PRKAR1B: variants seen among roughly 807,000 people sequenced by gnomAD.
PRKAR1B encodes cAMP-dependent protein kinase type I-beta regulatory subunit.
PRKAR1B carries 22 observed loss-of-function variants against 46.5 expected under a neutral mutation model. That is an observed-to-expected ratio of 0.47 (90% confidence interval 0.34 to 0.68). The LOEUF is 0.68. Ranked by LOEUF, PRKAR1B falls within the 30% of genes least tolerant of loss-of-function variation. The pLI is 0.01. For synonymous variants in PRKAR1B, 259 were observed against 217.7 expected (o/e 1.19, Z -1.67); for missense variants, 445 against 535.6 (o/e 0.83, Z 1.67).
chr7:726,822 G>T (rs1214295481), intron 1 of PRKAR1B: 2 of 1,324,638 alleles, frequency 1.5e-6, no homozygotes, highest in Non-Finnish European at 1.9e-6. Flanking sequence ...TGAGCCGCCT[G>T]CTGCCGGGGC....
At chr7:583,426 G>C (rs868402062) in intron 8 of PRKAR1B, among the ~76,000 whole-genome samples, 14 of 52,418 alleles carry the variant, frequency 2.7e-4, no homozygotes, top group African/African-American at 9.9e-4. Flanking sequence ...ACGCACACAC[G>C]CACACACCCA....
intron 2 of PRKAR1B, among the ~76,000 whole-genome samples, chr7:683,392 G>A (rs971096351): frequency 1.3e-5 from 2 of 152,142 alleles, no homozygotes; most frequent in African/African-American, 4.8e-5. Context: ...TTTAAAGTCA[G>A]CCAGGTGCAC....
At chr7:565,167 C>T (rs1779052461) in intron 9 of PRKAR1B, 1 of 152,248 alleles carries the variant, frequency 6.6e-6, no homozygotes, top group African/African-American at 2.4e-5. Context: ...CCCTCATGGA[C>T]CACACGCACT....
chr7:725,100 G>C (rs2128536809), intron 1 of PRKAR1B, among the ~76,000 whole-genome samples: 2 of 152,110 alleles, frequency 1.3e-5, no homozygotes, highest in South Asian at 4.2e-4. Flanking sequence ...TGCAGTCCCA[G>C]CTACTTGGGA....
chr7:716,517 C>T (rs906778149), intron 1 of PRKAR1B: 1 of 152,244 alleles, frequency 6.6e-6, no homozygotes, highest in African/African-American at 2.4e-5. Context: ...AGGACTTCTC[C>T]TTGGTAGCTC....
Position 670,511 on chromosome 7 carries a change from G to A in PRKAR1B, c.440+6718C>T, listed in dbSNP as rs116277000. Among the ~76,000 whole-genome samples the A allele has an allele frequency of 6.5e-3, 958 of 147,332 alleles. 11 individuals carry two copies. Among genetic ancestry groups the A allele is most frequent in the African/African-American group, 0.023 (909 of 38,822 alleles). ...GCGTCCAGCAGAGGGGCTCAGGACC[G>A]AGGACGGCCTCTGAGCTCCCCGACG... On this transcript the variant is annotated intron_variant, in intron 4 of 10. Coordinates refer to ENST00000537384, the MANE Select transcript of PRKAR1B (RefSeq NM_001164760.2).
chr7:676,888 GA>G (rs1310878480), intron 4 of PRKAR1B, among the ~76,000 whole-genome samples: 10 of 151,788 alleles, frequency 6.6e-5, no homozygotes, highest in African/African-American at 2.4e-4. Context: ...CCACCTCCCG[GA>G]GGGCAAGGAG....
intron 7 of PRKAR1B, among the ~76,000 whole-genome samples, chr7:585,453 G>C (rs745665979): frequency 6.6e-6 from 1 of 152,186 alleles, no homozygotes; most frequent in Non-Finnish European, 1.5e-5. Flanking sequence ...CAGCAAGCTC[G>C]ACTTTGCTAA....
chr7:660,108 G>A (rs141456060), intron 4 of PRKAR1B, among the ~76,000 whole-genome samples: 265 of 151,984 alleles, frequency 1.7e-3, no homozygotes, highest in Non-Finnish European at 3.2e-3. Flanking sequence ...GTGGGGAAGC[G>A]ACTCCCCTCC....
intron 9 of PRKAR1B, among the ~76,000 whole-genome samples, chr7:557,073 C>A (rs375296876): frequency 2.0e-5 from 3 of 152,348 alleles, no homozygotes; most frequent in Admixed American, 6.5e-5. Flanking sequence ...GGGCAGCTTC[C>A]GTTTCCAACC....
rs1396429370 is a variant in PRKAR1B, at chr7:552,390, C to CT, written c.892-921_892-920insA. On this transcript the variant is annotated intron_variant, in intron 9 of 10. Coordinates refer to ENST00000537384, the MANE Select transcript of PRKAR1B (RefSeq NM_001164760.2). Reference sequence around the variant, plus strand: ...CCCCACCTCCCGCCCGGGTCCTTCTCCAGAGCCACTGCCACCACCACGTCA... The same window carrying CT: ...CCCCACCTCCCGCCCGGGTCCTTCTCTCAGAGCCACTGCCACCACCACGTCA... Among the ~76,000 whole-genome samples, 95 of 73,142 alleles carry CT rather than the reference C, an allele frequency of 1.3e-3. 1 individual carries two copies. Among genetic ancestry groups the CT allele is most frequent in the Non-Finnish European group, 1.6e-3 (62 of 38,046 alleles). 48.0% of individuals were successfully genotyped at this position (73,142 alleles called of 152,430 possible). A position where few individuals can be genotyped will look rare whatever the true frequency, so the allele number is the denominator to read the frequency against.
chr7:633,375 C>T (rs557072324), intron 4 of PRKAR1B, among the ~76,000 whole-genome samples: 11 of 152,222 alleles, frequency 7.2e-5, no homozygotes, highest in African/African-American at 1.9e-4. Flanking sequence ...GCACAGGAGA[C>T]GGGACCCAGG....
chr7:691,568 G>T, intron 2 of PRKAR1B: 1 of 1,304,422 alleles, frequency 7.7e-7, no homozygotes, highest in Non-Finnish European at 1.0e-6. Flanking sequence ...ACGCCCTTCC[G>T]CCTACACGCA....
At chr7:675,297 G>A (rs751225017) in intron 4 of PRKAR1B, among the ~76,000 whole-genome samples, 10 of 152,194 alleles carry the variant, frequency 6.6e-5, no homozygotes, top group South Asian at 2.1e-4. Flanking sequence ...AGAACAATGC[G>A]TCTAGTGTGT....
At chr7:683,173 G>A (rs34985368) in intron 2 of PRKAR1B, among the ~76,000 whole-genome samples, 17,016 of 152,170 alleles carry the variant, frequency 0.11, 1,018 homozygotes, top group South Asian at 0.21. Flanking sequence ...CTGAGACCAC[G>A]GCTCTGAGAT....
rs1264582946 is a variant in PRKAR1B, at chr7:677,217, G to A, written c.440+12C>T. 21 of 1,613,836 alleles carry A rather than the reference G, an allele frequency of 1.3e-5. No homozygotes were observed. The highest frequency in any genetic ancestry group is 1.6e-4 in the Middle Eastern group (1 of 6,062). ...CGGCGGTGATGCCGGGGCAGGGGAC[G>A]AGTCTGCCTACCTCCTCTCGTTGTC... On this transcript the variant is annotated intron_variant, in intron 4 of 10. Coordinates refer to ENST00000537384, the MANE Select transcript of PRKAR1B (RefSeq NM_001164760.2).
intron 8 of PRKAR1B, among the ~76,000 whole-genome samples, chr7:579,833 C>T (rs994081453): frequency 3.3e-5 from 5 of 152,290 alleles, no homozygotes; most frequent in African/African-American, 9.6e-5. Context: ...AGTGGGCTCA[C>T]GCCTATAAAT....
At chr7:571,698 T>C (rs1328276849) in intron 9 of PRKAR1B, among the ~76,000 whole-genome samples, 1 of 152,006 alleles carries the variant, frequency 6.6e-6, no homozygotes, top group East Asian at 1.9e-4. Flanking sequence ...TGGGGAGGTC[T>C]CCGGGAGGGG....
At chr7:588,225 T>TC (rs924235196) in intron 7 of PRKAR1B, among the ~76,000 whole-genome samples, 1 of 146,276 alleles carries the variant, frequency 6.8e-6, no homozygotes, top group Admixed American at 6.7e-5. Context: ...ACACCCACCC[T>TC]CCCCTGCCTT....
Sources: gnomAD v4.1 joint callset for allele counts (sites outside exome capture counted in the v4.1 genomes callset) on GRCh38, gnomAD v4.1.1 for gene constraint, MANE v1.5 for transcripts, NCBI Gene and HGNC (gene_info 2026-07-23, HGNC 2026-07-21) for gene names.